The following KIRREL3 variants were observed in gnomAD, a reference collection of about 807,000 sequenced individuals.
KIRREL3 encodes kirre like nephrin family adhesion molecule 3, also known as kin of IRRE-like protein 3.
A neutral mutation model predicts 89.7 loss-of-function variants in KIRREL3; 36 were observed. The observed-to-expected ratio is 0.40, with a 90% CI of 0.31 to 0.53. KIRREL3 has a LOEUF of 0.53. Among genes scored for constraint, KIRREL3 ranks in the 20% least tolerant of loss-of-function variants. KIRREL3 has a pLI of 0.49. For synonymous variants in KIRREL3, 445 were observed against 441.4 expected, an observed-to-expected ratio of 1.01 and a Z score of -0.10; for missense variants, 864 against 1,056.6, an observed-to-expected ratio of 0.82 and a Z score of 2.53.
In KIRREL3 at chr11:126,607,529, C is replaced by T. The variant is rs1321073113; in HGVS notation, c.56-44617G>A. On this transcript the variant is annotated intron_variant, in intron 1 of 16. Coordinates refer to ENST00000525144, the MANE Select transcript of KIRREL3 (RefSeq NM_032531.4). The surrounding 1 kb of genome is among the most constrained non-coding windows in gnomAD (Gnocchi z 6.6). ...CCCTCAGGAGCAGGAACTGGGCTCC[C>T]GCTGGAGAGAAGCAGCGCTCCACGT... 1.3e-5 allele frequency among the ~76,000 whole-genome samples: 2 copies of T among 152,034 alleles called. No homozygotes were observed. Among genetic ancestry groups the T allele is most frequent in the Admixed American group, 1.3e-4 (2 of 15,272 alleles).
intron 2 of KIRREL3, among the ~76,000 whole-genome samples, chr11:126,547,751 G>T (rs1279000797): frequency 6.6e-6 from 1 of 152,200 alleles, no homozygotes; most frequent in Non-Finnish European, 1.5e-5. Flanking sequence ...GGCAGTCCTT[G>T]GCCATGGGGA....
chr11:126,743,802 T>C (rs1949054829), intron 1 of KIRREL3, among the ~76,000 whole-genome samples: 1 of 152,220 alleles, frequency 6.6e-6, no homozygotes, highest in Non-Finnish European at 1.5e-5. Flanking sequence ...TCCTGGAACA[T>C]AGCCAAGGCT....
In KIRREL3 at chr11:126,521,519, T is replaced by A; in HGVS notation, c.284-55A>T. On this transcript the variant is annotated intron_variant, in intron 3 of 16. Coordinates refer to ENST00000525144, the MANE Select transcript of KIRREL3 (RefSeq NM_032531.4). The surrounding 1 kb of genome is among the most constrained non-coding windows in gnomAD (Gnocchi z 4.1). Reference sequence around the variant, plus strand: ...TGGGGTGGGGTGGAGGGGACACCCATGACAAAGAGGCACAGAATGGAGGAC... The same window carrying A: ...TGGGGTGGGGTGGAGGGGACACCCAAGACAAAGAGGCACAGAATGGAGGAC... 6.7e-7 allele frequency: 1 copy of A among 1,487,074 alleles called. No individual in the cohort carries two copies. Among genetic ancestry groups the A allele is most frequent in the South Asian group, 1.2e-5 (1 of 80,536 alleles). 92.1% of individuals were successfully genotyped at this position (1,487,074 alleles called of 1,614,324 possible).
intron 1 of KIRREL3, among the ~76,000 whole-genome samples, chr11:126,721,202 C>T (rs778473806): frequency 3.3e-5 from 5 of 152,150 alleles, no homozygotes; most frequent in Non-Finnish European, 7.4e-5. Context: ...ACTGCTTGTG[C>T]TTAGCCTCAG....
Position 126,429,126 on chromosome 11 carries a change from G to T in KIRREL3, c.1806+53C>A. ...TTCATTGAGAAGCCTCTAGTCCCAG[G>T]ACCTTCTGGGAATGGAGTCACGGGA... On this transcript the variant is annotated intron_variant, in intron 15 of 16. Coordinates refer to ENST00000525144, the MANE Select transcript of KIRREL3 (RefSeq NM_032531.4). This position sits in a 1 kb window ranked among gnomAD's most constrained non-coding sequence, Gnocchi z 5.2. 1.7e-6 allele frequency: 2 copies of T among 1,197,436 alleles called. No homozygotes were observed. The highest frequency in any genetic ancestry group is 1.3e-5 in the South Asian group (1 of 79,252). 74.2% of individuals were successfully genotyped at this position (1,197,436 alleles called of 1,614,324 possible). A position where few individuals can be genotyped will look rare whatever the true frequency, so the allele number is the denominator to read the frequency against.
At chr11:126,649,908 G>A (rs1944843126) in intron 1 of KIRREL3, among the ~76,000 whole-genome samples, 1 of 152,204 alleles carries the variant, frequency 6.6e-6, no homozygotes, top group African/African-American at 2.4e-5. Context: ...TCCCACCCCT[G>A]CAGCAAACTT....
At chr11:126,512,533 G>C (rs758186282) in intron 4 of KIRREL3, among the ~76,000 whole-genome samples, 66 of 152,310 alleles carry the variant, frequency 4.3e-4, no homozygotes, top group Admixed American at 1.4e-3. Context: ...CCGTATGAGG[G>C]GTAAGTGGGT....
In KIRREL3 at chr11:126,507,229, C is replaced by T. The variant is rs895402770; in HGVS notation, c.433+14086G>A. ...GTGGGAGTGAGGATTGACAAGGGAT[C>T]GTTTTAGGGTGATGAAAATGTTCTA... On this transcript the variant is annotated intron_variant, in intron 4 of 16. Coordinates refer to ENST00000525144, the MANE Select transcript of KIRREL3 (RefSeq NM_032531.4). Among the ~76,000 whole-genome samples the T allele has an allele frequency of 4.6e-5, 7 of 151,858 alleles. No individual in the cohort carries two copies. The South Asian group carries it at 6.2e-4, about 14-fold the overall frequency.
Position 126,555,793 on chromosome 11 carries a change from T to A in KIRREL3, c.133+7042A>T, listed in dbSNP as rs1939664637. Among the ~76,000 whole-genome samples, 1 of 150,246 alleles carries A rather than the reference T, an allele frequency of 6.7e-6. No homozygotes were observed. The highest frequency in any genetic ancestry group is 1.5e-5 in the Non-Finnish European group (1 of 67,808). Reference sequence around the variant, plus strand: ...TCTCCCTCTATCACTCAGGCTGGAGTGCAGTGGCACGATCTCGGCTCACTG... The same window carrying A: ...TCTCCCTCTATCACTCAGGCTGGAGAGCAGTGGCACGATCTCGGCTCACTG... On this transcript the variant is annotated intron_variant, in intron 2 of 16. Transcript: ENST00000525144. This position sits in a 1 kb window ranked among gnomAD's most constrained non-coding sequence, Gnocchi z 4.2.
chr11:126,704,016 T>C lies in KIRREL3; in HGVS notation c.56-141104A>G, dbSNP rs1947419356. ...ATCACTGCGCCCATCTTTTCAGAGA[T>C]GTTGCTACCAGAATCATTCCCCCCT... is the stretch of plus-strand genomic sequence containing the variant. On this transcript the variant is annotated intron_variant, in intron 1 of 16. Coordinates refer to ENST00000525144, the MANE Select transcript of KIRREL3 (RefSeq NM_032531.4). The surrounding 1 kb of genome is among the most constrained non-coding windows in gnomAD (Gnocchi z 4.2). Among the ~76,000 whole-genome samples the C allele has an allele frequency of 1.3e-5, 2 of 152,208 alleles. No individual in the cohort carries two copies. Among genetic ancestry groups the C allele is most frequent in the African/African-American group, 4.8e-5 (2 of 41,454 alleles).
At position 126,574,315 on chromosome 11, in the gene KIRREL3, C is replaced by A. The variant is rs150653535; in HGVS notation, c.56-11403G>T. ...TAAAACCAAACTCCCCCACCTCCTT[C>A]AGAGCCCCATATCCAAGCTGGTGGC... On this transcript the variant is annotated intron_variant, in intron 1 of 16. Coordinates refer to ENST00000525144, the MANE Select transcript of KIRREL3 (RefSeq NM_032531.4). This position sits in a 1 kb window ranked among gnomAD's most constrained non-coding sequence, Gnocchi z 5.3. Among the ~76,000 whole-genome samples, 7 of 152,332 alleles carry A rather than the reference C, an allele frequency of 4.6e-5. No homozygotes were observed. The highest frequency in any genetic ancestry group is 3.4e-3 in the Middle Eastern group (1 of 294).
In KIRREL3 at chr11:126,892,428, G is replaced by T. The variant is rs1028196322; in HGVS notation, c.55+108027C>A. On this transcript the variant is annotated intron_variant, in intron 1 of 16. Transcript: ENST00000525144. The surrounding 1 kb of genome is among the most constrained non-coding windows in gnomAD (Gnocchi z 5.4). ...TCTGTACCATTTAGGATATGCTCAGGAGGGGCCCTGGGAGAGGCACAAGTG... is the reference window on the plus strand; with the variant it reads ...TCTGTACCATTTAGGATATGCTCAGTAGGGGCCCTGGGAGAGGCACAAGTG... Among the ~76,000 whole-genome samples the T allele has an allele frequency of 2.0e-5, 3 of 152,160 alleles. No individual in the cohort carries two copies. The highest frequency in any genetic ancestry group is 4.8e-5 in the African/African-American group (2 of 41,428).
chr11:126,630,212 A>G (rs555569062), intron 1 of KIRREL3, among the ~76,000 whole-genome samples: 2 of 152,246 alleles, frequency 1.3e-5, no homozygotes, highest in East Asian at 3.9e-4. Context: ...GACTTCTCCA[A>G]AGGTCTGTGT....
chr11:126,630,631 G>A (rs1201556791), intron 1 of KIRREL3, among the ~76,000 whole-genome samples: 1 of 152,156 alleles, frequency 6.6e-6, no homozygotes, highest in African/African-American at 2.4e-5. Context: ...GCCTGGAGCT[G>A]GCCTCTGAGT....
intron 2 of KIRREL3, among the ~76,000 whole-genome samples, chr11:126,539,157 CTTG>C (rs1243446590): frequency 6.6e-6 from 1 of 152,136 alleles, no homozygotes; most frequent in African/African-American, 2.4e-5. Context: ...GCAATCAATA[CTTG>C]TTGAGTTGTT....
At chr11:126,707,536 T>C (rs886662803) in intron 1 of KIRREL3, among the ~76,000 whole-genome samples, 1 of 152,162 alleles carries the variant, frequency 6.6e-6, no homozygotes, top group Non-Finnish European at 1.5e-5. Context: ...TCTATGTCAG[T>C]CCATTGTTCT....
At chr11:126,961,633 A>T (rs1949090224) in intron 1 of KIRREL3, among the ~76,000 whole-genome samples, 1 of 152,242 alleles carries the variant, frequency 6.6e-6, no homozygotes, top group African/African-American at 2.4e-5. Flanking sequence ...GTAAGTGCTG[A>T]TGTAGAAGCT....
chr11:126,784,503 C>T (rs1169713780), intron 1 of KIRREL3, among the ~76,000 whole-genome samples: 2 of 152,144 alleles, frequency 1.3e-5, no homozygotes. Flanking sequence ...TCAGTCTCCA[C>T]TTACGTCCTC....
intron 2 of KIRREL3, among the ~76,000 whole-genome samples, chr11:126,559,838 T>G (rs1201108314): frequency 1.4e-5 from 2 of 147,668 alleles, no homozygotes; most frequent in Middle Eastern, 3.2e-3. Flanking sequence ...CCTGGCTGAT[T>G]ATTATTATTT....
Sources: gnomAD v4.1 joint callset for allele counts (sites outside exome capture counted in the v4.1 genomes callset) on GRCh38, gnomAD v4.1.1 for gene constraint, Gnocchi (gnomAD v3.1) non-coding constraint, MANE v1.5 for transcripts, NCBI Gene and HGNC (gene_info 2026-07-23, HGNC 2026-07-21) for gene names.